CD44: variants seen among roughly 807,000 people sequenced by gnomAD.
CD44 encodes CD44 molecule (IN blood group).
Under a neutral mutation model 88.8 loss-of-function variants are expected in CD44, and 49 were observed. That is an observed-to-expected ratio of 0.55 (90% CI 0.44 to 0.70). CD44 has a LOEUF of 0.70. CD44 is among the 30% of genes least tolerant of loss of function. CD44 has a pLI of 0.00. For synonymous variants in CD44, 325 were observed against 312.3 expected (o/e 1.04, Z -0.43); for missense variants, 883 against 913.8 (o/e 0.97, Z 0.43).
intron 11 of CD44, among the ~76,000 whole-genome samples, chr11:35,207,195 T>C (rs1198968318): frequency 6.6e-6 from 1 of 152,214 alleles, no homozygotes; most frequent in African/African-American, 2.4e-5. Flanking sequence ...CCTACAAAGA[T>C]CTTTAATATT....
intron 1 of CD44, among the ~76,000 whole-genome samples, chr11:35,144,624 G>T (rs938504746): frequency 6.6e-6 from 1 of 152,160 alleles, no homozygotes; most frequent in African/African-American, 2.4e-5. Context: ...AAACCGGAAG[G>T]GGTGCTTTCT....
In CD44 at chr11:35,200,537, A is replaced by T. The variant is rs1346206066; in HGVS notation, c.923-545A>T. 4 of 154,066 alleles carry T rather than the reference A, an allele frequency of 2.6e-5. No homozygotes were observed. In the East Asian group the frequency reaches 7.6e-4, roughly 29 times the overall value. 9.5% of individuals were successfully genotyped at this position (154,066 alleles called of 1,614,324 possible). On this transcript the variant is annotated intron_variant, in intron 7 of 17. Transcript: ENST00000428726. The stretch of plus-strand genomic sequence containing the variant: ...TATCGCTAAAACATATGGCTATTCT[A>T]GGTATTCTTTTTCAGAATCATCTAT...
Position 35,211,261 on chromosome 11 carries a change from C to T in CD44, c.1622C>T (p.Thr541Ile), listed in dbSNP as rs140626716. The change falls in exon 14 of 18, where the codon ACA becomes ATA. Residue 541 changes from threonine to isoleucine, a missense_variant. Physicochemically the swap from Thr to Ile is moderately conservative, Grantham distance 89. Transcript: ENST00000428726. ...CTCCACACAGATAGGAATGATGTCA[C>T]AGGTGGAAGAAGAGACCCAAATCAT... ...TLTSSNRNDV[T>I]GGRRDPNHSE... The T allele has an allele frequency of 1.5e-4, 238 of 1,613,266 alleles. No homozygotes were observed. In the African/African-American group the frequency reaches 2.7e-3, roughly 19 times the overall value.
At chr11:35,152,543 C>T (rs1354481516) in intron 1 of CD44, among the ~76,000 whole-genome samples, 1 of 152,200 alleles carries the variant, frequency 6.6e-6, no homozygotes, top group African/African-American at 2.4e-5. Flanking sequence ...TAGACCTCTC[C>T]ACCTTTGCCT....
intron 1 of CD44, among the ~76,000 whole-genome samples, chr11:35,154,665 T>C (rs573440532): frequency 6.6e-6 from 1 of 152,312 alleles, no homozygotes; most frequent in African/African-American, 2.4e-5. Context: ...TTGGCTTTAT[T>C]GGGCAGGAGA....
chr11:35,180,417 CA>C lies in CD44; in HGVS notation c.367+11del, dbSNP rs1416097203. 6.2e-6 allele frequency: 10 copies of C among 1,613,856 alleles called. No individual in the cohort carries two copies. Among genetic ancestry groups the C allele is most frequent in the Admixed American group, 3.3e-5 (2 of 59,994 alleles). On this transcript the variant is annotated intron_variant, in intron 3 of 17. Coordinates refer to ENST00000428726, the MANE Select transcript of CD44 (RefSeq NM_000610.4). ...TGCTTCAATGCTTCAGGTTGGTTCT[CA>C]GGGGGGTGTCTGTTGGCGTGAAAGG... is the stretch of plus-strand genomic sequence containing the variant.
intron 1 of CD44, among the ~76,000 whole-genome samples, chr11:35,175,068 T>G (rs1285811946): frequency 2.6e-5 from 4 of 152,228 alleles, no homozygotes; most frequent in Admixed American, 2.6e-4. Context: ...GTTAAAATTC[T>G]GAATGATAAA....
Position 35,229,511 on chromosome 11 carries a change from T to G in CD44, c.*178T>G, listed in dbSNP as rs938752301. 12 of 570,452 alleles carry G rather than the reference T, an allele frequency of 2.1e-5. No homozygotes were observed. The highest frequency in any genetic ancestry group is 3.4e-5 in the Non-Finnish European group (11 of 321,698). 35.3% of individuals were successfully genotyped at this position (570,452 alleles called of 1,614,324 possible). A position where few individuals can be genotyped will look rare whatever the true frequency, so the allele number is the denominator to read the frequency against. ...GTTCTTTAAAGTCAGGTCCAATTTGTAAAAACAGCATTGCTTTCTGAAATT... is the reference window on the plus strand; with the variant it reads ...GTTCTTTAAAGTCAGGTCCAATTTGGAAAAACAGCATTGCTTTCTGAAATT... On this transcript the variant is annotated 3_prime_UTR_variant, in exon 18 of 18. Transcript: ENST00000428726.
Position 35,229,845 on chromosome 11 carries a change from T to A in CD44, c.*512T>A, listed in dbSNP as rs924557569. The stretch of plus-strand genomic sequence containing the variant: ...AGACCCCCTCTAGAAATTTTTCAGA[T>A]GCTTCTGGGAGACACCCAAAGGGTG... On this transcript the variant is annotated 3_prime_UTR_variant, in exon 18 of 18. Transcript: ENST00000428726. The A allele has an allele frequency of 3.1e-5, 5 of 159,312 alleles. No individual in the cohort carries two copies. Among genetic ancestry groups the A allele is most frequent in the African/African-American group, 1.2e-4 (5 of 41,590 alleles). 9.9% of individuals were successfully genotyped at this position (159,312 alleles called of 1,614,324 possible).
chr11:35,143,905 C>T (rs1272543577), intron 1 of CD44, among the ~76,000 whole-genome samples: 1 of 152,342 alleles, frequency 6.6e-6, no homozygotes, highest in Admixed American at 6.5e-5. Flanking sequence ...TAGGGCAATG[C>T]CCTCTGCCTG....
intron 13 of CD44, chr11:35,210,621 A>C (rs551991350): frequency 6.5e-6 from 1 of 152,842 alleles, no homozygotes; most frequent in African/African-American, 2.4e-5. Context: ...GCTGTGGTCC[A>C]ATAGACTGTT....
chr11:35,188,963 G>A (rs1421121401), intron 4 of CD44, among the ~76,000 whole-genome samples: 1 of 151,946 alleles, frequency 6.6e-6, no homozygotes, highest in East Asian at 1.9e-4. Flanking sequence ...TTTCATTTGA[G>A]CAAGCTAAAT....
chr11:35,228,308 C>G (rs1170003805), intron 17 of CD44, among the ~76,000 whole-genome samples: 1 of 152,154 alleles, frequency 6.6e-6, no homozygotes, highest in Non-Finnish European at 1.5e-5. Flanking sequence ...CTTCCTATAT[C>G]AGGGTTGTAT....
chr11:35,197,847 C>T (rs554650718), intron 6 of CD44: 6 of 341,450 alleles, frequency 1.8e-5, no homozygotes, highest in Non-Finnish European at 2.7e-5. Flanking sequence ...TTTCATTAGC[C>T]TTTAAAAACT....
In CD44 at chr11:35,189,817, AC is replaced by A. The variant is rs774292693; in HGVS notation, c.437-16del. ...ATATGAGCTGTGAAGTTCTGTAAGTACCTTTTCTCTCTCCCAGCTATTGTTA... is the reference window on the plus strand; with the variant it reads ...ATATGAGCTGTGAAGTTCTGTAAGTACTTTTCTCTCTCCCAGCTATTGTTA... On this transcript the variant is annotated splice_polypyrimidine_tract_variant and intron_variant, in intron 4 of 17. Transcript: ENST00000428726. 3.9e-6 allele frequency: 6 copies of A among 1,545,922 alleles called. No individual in the cohort carries two copies. In the Admixed American group the frequency reaches 1.0e-4, roughly 26 times the overall value.
Position 35,222,668 on chromosome 11 carries a change from C to G in CD44, c.2024+936C>G, listed in dbSNP as rs928074062. On this transcript the variant is annotated intron_variant, in intron 17 of 17. Transcript: ENST00000428726. The stretch of plus-strand genomic sequence containing the variant: ...TAATTCTAGCAACAGAGGAAATGAC[C>G]TTTAACAGGGGTATAAATCTAAATT... 9.1e-6 allele frequency: 8 copies of G among 881,846 alleles called. No homozygotes were observed. The African/African-American group carries it at 1.3e-4, about 14-fold the overall frequency. The allele number at this position is 881,846 out of a possible 1,614,324, so 54.6% of individuals were successfully genotyped here.
intron 10 of CD44, 151 bp downstream of exon 10, chr11:35,204,791 A>C: frequency 1.5e-6 from 1 of 669,382 alleles, no homozygotes; most frequent in East Asian, 2.9e-5. Context: ...CACAGAGCCA[A>C]ACCTTAAAGG....
chr11:35,193,387 T>A (rs1375373395), intron 5 of CD44, among the ~76,000 whole-genome samples: 1 of 152,240 alleles, frequency 6.6e-6, no homozygotes. Flanking sequence ...CAGAACATAC[T>A]GTGCCAGCTG....
intron 17 of CD44, among the ~76,000 whole-genome samples, chr11:35,226,880 CTTTTT>C (rs367551052): frequency 2.8e-5 from 3 of 106,212 alleles, no homozygotes; most frequent in African/African-American, 8.1e-5. Flanking sequence ...TTCTTTTTTC[CTTTTT>C]TTTTTTTTTT....
Sources: gnomAD v4.1 joint callset for allele counts (sites outside exome capture counted in the v4.1 genomes callset) on GRCh38, gnomAD v4.1.1 for gene constraint, MANE v1.5 for transcripts, NCBI Gene and HGNC (gene_info 2026-07-23, HGNC 2026-07-21) for gene names.